The following ZC3H3 variants were observed in gnomAD, a reference collection of about 807,000 sequenced individuals.
ZC3H3 encodes the protein zinc finger CCCH domain-containing protein 3.
Under a neutral mutation model 77.3 loss-of-function variants are expected in ZC3H3, and 36 were observed. The observed-to-expected ratio is 0.47, with a 90% CI of 0.36 to 0.61. The LOEUF (loss-of-function observed/expected upper bound fraction) is 0.61. ZC3H3 is among the 20% of genes least tolerant of loss of function. ZC3H3 has a pLI of 0.00. For synonymous variants in ZC3H3, 626 were observed against 555.2 expected (o/e 1.13, Z -1.79); for missense variants, 1,331 against 1,312.2 (o/e 1.01, Z -0.22).
intron 2 of ZC3H3, 125 bp downstream of exon 2, chr8:143,537,878 A>G (rs919007638): frequency 2.3e-5 from 25 of 1,081,012 alleles, no homozygotes; most frequent in Non-Finnish European, 3.2e-5. Context: ...TTCCTGCCTC[A>G]TTTCTTGCTG....
chr8:143,474,945 C>T (rs940686090), intron 5 of ZC3H3, among the ~76,000 whole-genome samples: 7 of 152,202 alleles, frequency 4.6e-5, no homozygotes, highest in African/African-American at 1.4e-4. Flanking sequence ...CTCGCCCGGG[C>T]GTGTTTGCCG....
intron 9 of ZC3H3, among the ~76,000 whole-genome samples, chr8:143,452,954 C>G (rs1378026991): frequency 1.3e-5 from 2 of 152,206 alleles, no homozygotes; most frequent in Non-Finnish European, 2.9e-5. Flanking sequence ...GGAAGTTGAG[C>G]AAACCTCAGA....
At chr8:143,505,281 G>T (rs1346592195) in intron 4 of ZC3H3, among the ~76,000 whole-genome samples, 1 of 152,194 alleles carries the variant, frequency 6.6e-6, no homozygotes, top group Non-Finnish European at 1.5e-5. Flanking sequence ...GGTGGCCTGG[G>T]CCTGCCGAGG....
chr8:143,477,444 G>A (rs1223462527), intron 4 of ZC3H3, among the ~76,000 whole-genome samples: 1 of 152,174 alleles, frequency 6.6e-6, no homozygotes, highest in Non-Finnish European at 1.5e-5. Context: ...GGGCCAGAGG[G>A]GTGGAGGGTA....
At chr8:143,465,492 T>C (rs1820384619) in intron 9 of ZC3H3, among the ~76,000 whole-genome samples, 2 of 152,220 alleles carry the variant, frequency 1.3e-5, no homozygotes, top group African/African-American at 4.8e-5. Context: ...CTAGGTCCTC[T>C]GCGCCTCACC....
chr8:143,457,858 C>T (rs1398243571), intron 9 of ZC3H3, among the ~76,000 whole-genome samples: 1 of 151,908 alleles, frequency 6.6e-6, no homozygotes, highest in Non-Finnish European at 1.5e-5. Context: ...GAGTGAGACC[C>T]TATCTCAGAA....
At chr8:143,470,096 C>T (rs1343350007) in intron 5 of ZC3H3, among the ~76,000 whole-genome samples, 1 of 152,236 alleles carries the variant, frequency 6.6e-6, no homozygotes, top group African/African-American at 2.4e-5. Context: ...GGACCCAAGG[C>T]TTCCGCTCCC....
At chr8:143,531,813 C>G (rs944345376) in intron 3 of ZC3H3, among the ~76,000 whole-genome samples, 1 of 152,164 alleles carries the variant, frequency 6.6e-6, no homozygotes, top group African/African-American at 2.4e-5. Context: ...TTTATTAGCC[C>G]CCTTATCTGC....
chr8:143,515,940 C>G (rs1372130141), intron 3 of ZC3H3, among the ~76,000 whole-genome samples: 1 of 152,222 alleles, frequency 6.6e-6, no homozygotes, highest in African/African-American at 2.4e-5. Flanking sequence ...CAGGGGTTAC[C>G]CACACTCAGC....
chr8:143,496,193 T>C (rs2129984450), intron 4 of ZC3H3, among the ~76,000 whole-genome samples: 1 of 152,060 alleles, frequency 6.6e-6, no homozygotes, highest in African/African-American at 2.4e-5. Context: ...AGGGTGCGGG[T>C]GTGCATGGGA....
In ZC3H3 at chr8:143,517,790, C is replaced by T. The variant is rs76966740; in HGVS notation, c.1562-9891G>A. ...TCTTCACCTTGTCTCTGCTTTGACC[C>T]CCCGCTCCTGCCTGCCCCGCACCTG... On this transcript the variant is annotated intron_variant, in intron 3 of 11. Coordinates refer to ENST00000262577, the MANE Select transcript of ZC3H3 (RefSeq NM_015117.3). Among the ~76,000 whole-genome samples, 24 of 152,326 alleles carry T rather than the reference C, an allele frequency of 1.6e-4. No homozygotes were observed. In the East Asian group the frequency reaches 4.6e-3, roughly 29 times the overall value.
chr8:143,459,525 G>C (rs1300259209), intron 9 of ZC3H3, among the ~76,000 whole-genome samples: 2 of 152,048 alleles, frequency 1.3e-5, no homozygotes, highest in African/African-American at 2.4e-5. Context: ...CTCCAGCCTG[G>C]GCAACAAGAG....
chr8:143,464,694 G>T (rs1030436690), intron 9 of ZC3H3, among the ~76,000 whole-genome samples: 5 of 152,188 alleles, frequency 3.3e-5, no homozygotes, highest in Admixed American at 6.5e-5. Context: ...GCTTCACGGG[G>T]GCTGCAGACC....
At chr8:143,495,709 G>A (rs1175781927) in intron 4 of ZC3H3, among the ~76,000 whole-genome samples, 3 of 151,788 alleles carry the variant, frequency 2.0e-5, no homozygotes, top group Non-Finnish European at 4.4e-5. Flanking sequence ...AGCCTCCTGA[G>A]TAGCTGGGGT....
At chr8:143,495,668 A>G (rs1821326464) in intron 4 of ZC3H3, among the ~76,000 whole-genome samples, 1 of 151,240 alleles carries the variant, frequency 6.6e-6, no homozygotes, top group African/African-American at 2.4e-5. Flanking sequence ...TGTAACCTCG[A>G]CCTCCTGGGC....
intron 3 of ZC3H3, among the ~76,000 whole-genome samples, chr8:143,532,994 C>T (rs909113999): frequency 6.6e-5 from 10 of 152,158 alleles, no homozygotes; most frequent in Non-Finnish European, 8.8e-5. Flanking sequence ...CTGCGGACTC[C>T]GCTCCTTGGC....
chr8:143,504,820 C>T (rs553450422), intron 4 of ZC3H3, among the ~76,000 whole-genome samples: 73 of 152,316 alleles, frequency 4.8e-4, no homozygotes, highest in East Asian at 1.5e-3. Context: ...CCTCTGCCAG[C>T]GGCTCCCTCT....
chr8:143,459,173 A>G (rs1325168905), intron 9 of ZC3H3, among the ~76,000 whole-genome samples: 4 of 152,118 alleles, frequency 2.6e-5, no homozygotes, highest in South Asian at 2.1e-4. Context: ...AAAGACACTA[A>G]AAGAAAACTA....
At chr8:143,523,906 G>A (rs756057926) in intron 3 of ZC3H3, among the ~76,000 whole-genome samples, 101 of 152,220 alleles carry the variant, frequency 6.6e-4, no homozygotes, top group South Asian at 8.3e-4. Context: ...GGTGAAGGAC[G>A]GGGCCTCACT....
Sources: allele counts gnomAD v4.1 joint callset (sites outside exome capture counted in the v4.1 genomes callset), GRCh38; gene constraint gnomAD v4.1.1; transcripts MANE v1.5; gene names NCBI Gene and HGNC (gene_info 2026-07-23, HGNC 2026-07-21).